WWOX: variants seen among roughly 807,000 people sequenced by gnomAD.
The protein encoded by WWOX is WW domain containing oxidoreductase, also known as WW domain-containing oxidoreductase.
In WWOX, 69 loss-of-function variants were observed where a neutral mutation model predicts 46.2. That is an observed-to-expected ratio of 1.49 (90% CI 1.23 to 1.82). The LOEUF is 1.82. Among genes scored for constraint, WWOX ranks in the 40% most tolerant of loss-of-function variants. WWOX has a pLI of 0.00. For synonymous variants in WWOX, 359 were observed against 202.6 expected (o/e 1.77, Z -6.56); for missense variants, 919 against 542.6 (o/e 1.69, Z -6.89).
rs556553521 is a variant in WWOX, at chr16:78,481,767, G to A, written c.1056+49015G>A. On this transcript the variant is annotated intron_variant, in intron 8 of 8. Coordinates refer to ENST00000566780, the MANE Select transcript of WWOX (RefSeq NM_016373.4). ...TGTGTGTGTGTGTGTGTGTGTGTGC[G>A]CGCGCCTGCATGTGTACTGTGGATG... Among the ~76,000 whole-genome samples the A allele has an allele frequency of 7.2e-3, 1,081 of 151,000 alleles. 13 individuals are homozygous for A. The highest frequency in any genetic ancestry group is 0.022 in the African/African-American group (897 of 40,706).
intron 8 of WWOX, among the ~76,000 whole-genome samples, chr16:78,874,128 C>T (rs769695350): frequency 2.0e-4 from 30 of 151,728 alleles, no homozygotes; most frequent in South Asian, 4.2e-4. Flanking sequence ...TGGTGGCACA[C>T]GTCTGTAATC....
At chr16:78,686,264 G>C (rs1377996422) in intron 8 of WWOX, among the ~76,000 whole-genome samples, 5 of 152,000 alleles carry the variant, frequency 3.3e-5, no homozygotes, top group Admixed American at 6.5e-5. Flanking sequence ...GTAATCCCAG[G>C]ACTTTGGGAG....
intron 8 of WWOX, among the ~76,000 whole-genome samples, chr16:78,609,225 A>T (rs1290073732): frequency 3.3e-5 from 5 of 152,170 alleles, no homozygotes. Context: ...GTTTCCTGAC[A>T]GGTTTTTGGT....
chr16:79,143,328 G>C (rs541137418), intron 8 of WWOX, among the ~76,000 whole-genome samples: 1 of 152,174 alleles, frequency 6.6e-6, no homozygotes, highest in Non-Finnish European at 1.5e-5. Context: ...CACATTAAAT[G>C]TATTTAAATT....
At chr16:79,175,648 C>A (rs879136290) in intron 8 of WWOX, among the ~76,000 whole-genome samples, 1 of 152,174 alleles carries the variant, frequency 6.6e-6, no homozygotes, top group East Asian at 1.9e-4. Context: ...GTGATGAGGA[C>A]GTGCTCTGAT....
At chr16:78,105,276 A>G (rs1404324421) in intron 1 of WWOX, among the ~76,000 whole-genome samples, 2 of 152,214 alleles carry the variant, frequency 1.3e-5, no homozygotes, top group African/African-American at 4.8e-5. Context: ...TGCCTGGCCA[A>G]CATGGTGAAA....
intron 8 of WWOX, among the ~76,000 whole-genome samples, chr16:78,946,269 C>T (rs1377434439): frequency 6.6e-6 from 1 of 152,116 alleles, no homozygotes; most frequent in Non-Finnish European, 1.5e-5. Context: ...CGGCTCACTG[C>T]AGCCTCCAAC....
At chr16:78,861,639 T>G (rs1168903957) in intron 8 of WWOX, among the ~76,000 whole-genome samples, 1 of 152,180 alleles carries the variant, frequency 6.6e-6, no homozygotes, top group African/African-American at 2.4e-5. Context: ...ACAAATTATT[T>G]AATATCATGA....
chr16:78,148,240 T>G lies in WWOX; in HGVS notation c.410-15943T>G, dbSNP rs553378734. Among the ~76,000 whole-genome samples the G allele has an allele frequency of 4.6e-5, 7 of 152,314 alleles. No individual in the cohort carries two copies. In the South Asian group the frequency reaches 1.5e-3, roughly 32 times the overall value. ...AACAACCAGAAACACTTTGGTTGTC[T>G]TAGTAGATAGGAGTGTGAGTACAGA... On this transcript the variant is annotated intron_variant, in intron 4 of 8. Transcript: ENST00000566780.
intron 8 of WWOX, among the ~76,000 whole-genome samples, chr16:78,680,440 G>A (rs926280716): frequency 2.1e-4 from 32 of 152,038 alleles, no homozygotes; most frequent in African/African-American, 7.2e-4. Flanking sequence ...AGGCTGAGGT[G>A]GGAGGATCGC....
intron 8 of WWOX, among the ~76,000 whole-genome samples, chr16:78,568,069 G>T (rs2044617479): frequency 6.6e-6 from 1 of 152,198 alleles, no homozygotes. Flanking sequence ...GCCTGCGAGA[G>T]ACTCTTAGGG....
At chr16:78,775,000 G>T (rs897544019) in intron 8 of WWOX, among the ~76,000 whole-genome samples, 24 of 152,154 alleles carry the variant, frequency 1.6e-4, no homozygotes, top group African/African-American at 5.6e-4. Context: ...GAACTAGAAA[G>T]GTAGGTAAGT....
chr16:78,502,561 A>G (rs1027582464), intron 8 of WWOX, among the ~76,000 whole-genome samples: 2 of 152,242 alleles, frequency 1.3e-5, no homozygotes, highest in African/African-American at 2.4e-5. Flanking sequence ...GTATGGATAT[A>G]CCACATTTTG....
chr16:79,022,959 G>A (rs748494044), intron 8 of WWOX, among the ~76,000 whole-genome samples: 7 of 152,120 alleles, frequency 4.6e-5, no homozygotes, highest in Non-Finnish European at 8.8e-5. Flanking sequence ...ATGGCATAGG[G>A]TTTGGGGAGG....
At chr16:78,837,040 G>C (rs2052005925) in intron 8 of WWOX, among the ~76,000 whole-genome samples, 1 of 152,056 alleles carries the variant, frequency 6.6e-6, no homozygotes. Flanking sequence ...GGAAACCAGA[G>C]CCCAGATTAT....
chr16:78,807,873 C>T (rs1031558798), intron 8 of WWOX, among the ~76,000 whole-genome samples: 2 of 152,202 alleles, frequency 1.3e-5, no homozygotes, highest in Admixed American at 1.3e-4. Flanking sequence ...ATTAACTAGC[C>T]TCATTTCAAG....
chr16:78,842,905 G>A (rs989291545), intron 8 of WWOX, among the ~76,000 whole-genome samples: 4 of 149,622 alleles, frequency 2.7e-5, no homozygotes, highest in African/African-American at 7.3e-5. Flanking sequence ...CTTAAAATAC[G>A]CTCTCTAGAA....
chr16:79,028,689 C>T (rs904647442), intron 8 of WWOX, among the ~76,000 whole-genome samples: 1 of 151,728 alleles, frequency 6.6e-6, no homozygotes, highest in African/African-American at 2.4e-5. Flanking sequence ...CATAAGCCCC[C>T]ATGGAAAGCA....
At chr16:79,207,904 T>C (rs571060380) in intron 8 of WWOX, among the ~76,000 whole-genome samples, 1 of 152,186 alleles carries the variant, frequency 6.6e-6, no homozygotes, top group African/African-American at 2.4e-5. Flanking sequence ...CTAGCAGTTA[T>C]CAAATGAATG....
Sources: gnomAD v4.1 joint callset for allele counts (sites outside exome capture counted in the v4.1 genomes callset) on GRCh38, gnomAD v4.1.1 for gene constraint, MANE v1.5 for transcripts, NCBI Gene and HGNC (gene_info 2026-07-23, HGNC 2026-07-21) for gene names.